The following MATN2 variants were observed in gnomAD, a reference collection of about 807,000 sequenced individuals.
The protein encoded by MATN2 is matrilin-2.
A neutral mutation model predicts 103.2 loss-of-function variants in MATN2; 69 were observed. The ratio of observed to expected loss-of-function variants is 0.67; its 90% CI spans 0.55 to 0.82. The LOEUF is 0.82. MATN2 is among the 40% of genes least tolerant of loss of function. The pLI is 0.00. For synonymous variants in MATN2, 429 were observed against 450.2 expected, an observed-to-expected ratio of 0.95 and a Z score of 0.60; for missense variants, 1,023 against 1,211.5, an observed-to-expected ratio of 0.84 and a Z score of 2.31.
chr8:97,995,651 T>C (rs1049836829), intron 7 of MATN2, among the ~76,000 whole-genome samples: 1 of 152,250 alleles, frequency 6.6e-6, no homozygotes, highest in African/African-American at 2.4e-5. Context: ...AGGTTTCACA[T>C]ATATCTTTTT....
intron 7 of MATN2, among the ~76,000 whole-genome samples, chr8:97,995,248 C>T (rs1378070886): frequency 3.3e-5 from 5 of 152,222 alleles, no homozygotes; most frequent in South Asian, 4.1e-4. Flanking sequence ...AGGACAGAGA[C>T]GATTATCTTT....
intron 3 of MATN2, among the ~76,000 whole-genome samples, chr8:97,932,909 C>G (rs1384001753): frequency 6.6e-6 from 1 of 152,142 alleles, no homozygotes; most frequent in Non-Finnish European, 1.5e-5. Flanking sequence ...CTTCCTAGAG[C>G]AGAGTGGAGA....
chr8:97,991,365 G>C (rs761466930), intron 6 of MATN2, among the ~76,000 whole-genome samples: 18 of 152,076 alleles, frequency 1.2e-4, no homozygotes, highest in Non-Finnish European at 2.6e-4. Context: ...GAGATCTCCT[G>C]GCCTCAGCCT....
chr8:97,933,441 TTA>T (rs1213864385), intron 3 of MATN2, among the ~76,000 whole-genome samples: 1 of 152,176 alleles, frequency 6.6e-6, no homozygotes, highest in African/African-American at 2.4e-5. Context: ...GGGGTTCTTT[TTA>T]TAAGCCTTCT....
chr8:97,963,963 A>G (rs944840381), intron 5 of MATN2, among the ~76,000 whole-genome samples: 26 of 152,310 alleles, frequency 1.7e-4, no homozygotes, highest in African/African-American at 5.8e-4. Context: ...CGCAAATGAT[A>G]GAGAAAATAT....
At chr8:97,915,266 A>G (rs981929305) in intron 2 of MATN2, among the ~76,000 whole-genome samples, 5 of 152,136 alleles carry the variant, frequency 3.3e-5, no homozygotes, top group Non-Finnish European at 5.9e-5. Context: ...TGCTGGGACT[A>G]TAGGTGTGAG....
intron 2 of MATN2, among the ~76,000 whole-genome samples, chr8:97,892,389 C>T (rs111971299): frequency 0.027 from 3,502 of 130,844 alleles, 67 homozygotes; most frequent in Non-Finnish European, 0.04. Context: ...GCACTCCAGC[C>T]TGGGTGACAG....
intron 5 of MATN2, among the ~76,000 whole-genome samples, chr8:97,975,074 A>G (rs1811789171): frequency 6.6e-6 from 1 of 152,218 alleles, no homozygotes; most frequent in South Asian, 2.1e-4. Context: ...GGTGTCCTAG[A>G]GCCCATGTGT....
chr8:98,000,796 T>G (rs1812757257), intron 7 of MATN2, among the ~76,000 whole-genome samples: 2 of 152,136 alleles, frequency 1.3e-5, no homozygotes, highest in Admixed American at 1.3e-4. Flanking sequence ...GATGGCATGG[T>G]CCCTGCTCGT....
rs887344927 is a variant in MATN2, at chr8:97,915,154, T to C, written c.143-15799T>C. Reference sequence around the variant, plus strand: ...GGCGCACGCCATCATGCTTGGCTTGTGAAAAAACTTTTTTTTTTGTAGTGA... The same window carrying C: ...GGCGCACGCCATCATGCTTGGCTTGCGAAAAAACTTTTTTTTTTGTAGTGA... On this transcript the variant is annotated intron_variant, in intron 2 of 18. Transcript: ENST00000254898. 2.0e-5 allele frequency among the ~76,000 whole-genome samples: 3 copies of C among 152,066 alleles called. No homozygotes were observed. In the East Asian group the frequency reaches 5.8e-4, roughly 29 times the overall value.
In MATN2 at chr8:97,871,435, G is replaced by A. The variant is rs1053843298; in HGVS notation, c.-27+2148G>A. Among the ~76,000 whole-genome samples the A allele has an allele frequency of 4.6e-5, 7 of 152,168 alleles. 1 individual carries two copies. The South Asian group carries it at 1.5e-3, about 32-fold the overall frequency. Reference sequence around the variant, plus strand: ...AGGCTGGGCAAGCAGTAGGAGAGGTGAGTGGTTTAAGACCAGTCAAGTTGG... The same window carrying A: ...AGGCTGGGCAAGCAGTAGGAGAGGTAAGTGGTTTAAGACCAGTCAAGTTGG... On this transcript the variant is annotated intron_variant, in intron 1 of 18. Transcript: ENST00000254898.
At chr8:97,936,845 A>G (rs1192252106) in intron 3 of MATN2, among the ~76,000 whole-genome samples, 1 of 152,240 alleles carries the variant, frequency 6.6e-6, no homozygotes, top group Non-Finnish European at 1.5e-5. Flanking sequence ...AAAGTCACTC[A>G]GCACTCACCC....
chr8:97,977,419 C>T (rs1811876047), intron 5 of MATN2, among the ~76,000 whole-genome samples: 1 of 151,948 alleles, frequency 6.6e-6, no homozygotes, highest in African/African-American at 2.4e-5. Context: ...TCTGCAAAGA[C>T]CCTATTTCCA....
At chr8:98,032,516 T>G (rs937786282) in intron 16 of MATN2, among the ~76,000 whole-genome samples, 199 bp downstream of exon 16, 2 of 152,034 alleles carry the variant, frequency 1.3e-5, no homozygotes, top group Admixed American at 6.6e-5. Flanking sequence ...GGTGACAGTG[T>G]TTTTTTGTTT....
chr8:97,987,181 AGTT>A (rs745739421), intron 6 of MATN2, among the ~76,000 whole-genome samples: 1 of 152,076 alleles, frequency 6.6e-6, no homozygotes, highest in Non-Finnish European at 1.5e-5. Flanking sequence ...TGCTTTCCAT[AGTT>A]GTTGTACTAG....
chr8:97,986,069 G>A (rs957715924), intron 6 of MATN2, among the ~76,000 whole-genome samples: 5 of 151,954 alleles, frequency 3.3e-5, no homozygotes, highest in African/African-American at 1.2e-4. Context: ...ATGTGTTCAG[G>A]TTTTTTTGGC....
At chr8:97,937,631 C>T (rs1218594861) in intron 3 of MATN2, among the ~76,000 whole-genome samples, 3 of 143,938 alleles carry the variant, frequency 2.1e-5, no homozygotes, top group Admixed American at 7.1e-5. Flanking sequence ...CTCTGTCACC[C>T]AGGCTGGAGT....
chr8:97,924,984 A>T (rs1368160883), intron 2 of MATN2, among the ~76,000 whole-genome samples: 2 of 152,236 alleles, frequency 1.3e-5, no homozygotes, highest in African/African-American at 4.8e-5. Context: ...TAGTGATAAA[A>T]GAAAAAACTC....
In MATN2 at chr8:98,005,874, T is replaced by C. The variant is rs1254641148; in HGVS notation, c.1328-1231T>C. 1.3e-5 allele frequency among the ~76,000 whole-genome samples: 2 copies of C among 152,120 alleles called. No homozygotes were observed. The highest frequency in any genetic ancestry group is 1.3e-4 in the Admixed American group (2 of 15,278). ...TCCTGTGATTAACAAATGGCAACAC[T>C]AGGATGTGAACACAGGCATGTAGCT... is the stretch of plus-strand genomic sequence containing the variant. On this transcript the variant is annotated intron_variant, in intron 8 of 18. Coordinates refer to ENST00000254898, the MANE Select transcript of MATN2 (RefSeq NM_002380.5). This position sits in a 1 kb window ranked among gnomAD's most constrained non-coding sequence, Gnocchi z 4.6.
Sources: gnomAD v4.1 joint callset for allele counts (sites outside exome capture counted in the v4.1 genomes callset) on GRCh38, gnomAD v4.1.1 for gene constraint, Gnocchi (gnomAD v3.1) non-coding constraint, MANE v1.5 for transcripts, NCBI Gene and HGNC (gene_info 2026-07-23, HGNC 2026-07-21) for gene names.